CLEC1A: variants seen among roughly 807,000 people sequenced by gnomAD.
The protein encoded by CLEC1A is C-type lectin domain family 1 member A.
Under a neutral mutation model 28.7 loss-of-function variants are expected in CLEC1A, and 34 were observed. That is an observed-to-expected ratio of 1.18 (90% confidence interval 0.90 to 1.57). The LOEUF (loss-of-function observed/expected upper bound fraction) is 1.57, where lower values mean the gene tolerates loss of function less well. Among genes scored for constraint, CLEC1A ranks in the 40% most tolerant of loss-of-function variants. CLEC1A has a pLI of 0.00. For missense variants in CLEC1A, 385 were observed against 339.5 expected (o/e 1.13, Z -1.05); for synonymous variants, 116 against 121.0 (o/e 0.96, Z 0.27).
chr12:10,083,804 G>A (rs990493305), intron 2 of CLEC1A, among the ~76,000 whole-genome samples: 8 of 151,846 alleles, frequency 5.3e-5, no homozygotes, highest in Non-Finnish European at 1.0e-4. Flanking sequence ...TATAGGATAT[G>A]GATTTAAAAA....
At chr12:10,090,613 T>C (rs570672157) in intron 1 of CLEC1A, among the ~76,000 whole-genome samples, 11 of 152,158 alleles carry the variant, frequency 7.2e-5, no homozygotes, top group African/African-American at 2.6e-4. Flanking sequence ...TGGGGAATGA[T>C]AACTAGTAAA....
intron 3 of CLEC1A, 86 bp from the exon 4 acceptor site, chr12:10,075,741 A>T: frequency 1.7e-6 from 2 of 1,176,508 alleles, no homozygotes; most frequent in Non-Finnish European, 2.4e-6. Context: ...TGATGTCCTA[A>T]GAAAGAATTA....
chr12:10,072,173 T>TC (rs1324359851), intron 5 of CLEC1A, among the ~76,000 whole-genome samples: 9 of 151,928 alleles, frequency 5.9e-5, no homozygotes, highest in Admixed American at 1.3e-4. Context: ...GCCTGGAACC[T>TC]CCCCCCAGCC....
intron 4 of CLEC1A, 44 bp from the exon 5 acceptor site, chr12:10,073,455 T>G (rs1249850952): frequency 6.8e-7 from 1 of 1,464,474 alleles, no homozygotes; most frequent in East Asian, 2.3e-5. Flanking sequence ...GGTGGCATGA[T>G]TACTCACATG....
chr12:10,073,440 G>T lies in CLEC1A; in HGVS notation c.544-29C>A. On this transcript the variant is annotated intron_variant, in intron 4 of 5. Coordinates refer to ENST00000315330, the MANE Select transcript of CLEC1A (RefSeq NM_016511.4). The stretch of plus-strand genomic sequence containing the variant: ...TGAAAAGCACATAAGAAAAGCTTTA[G>T]CTTTGGTGGCATGATTACTCACATG... 4 of 1,553,104 alleles carry T rather than the reference G, an allele frequency of 2.6e-6. No individual in the cohort carries two copies. The Middle Eastern group carries it at 6.8e-4, about 262-fold the overall frequency.
At chr12:10,092,007 G>C (rs568775698) in intron 1 of CLEC1A, among the ~76,000 whole-genome samples, 1 of 73,554 alleles carries the variant, frequency 1.4e-5, no homozygotes, top group East Asian at 2.0e-4. Flanking sequence ...ATAAATGAAT[G>C]AATAGGTCCA....
chr12:10,071,249 T>C lies in CLEC1A; in HGVS notation c.*84A>G, dbSNP rs1031354911. On this transcript the variant is annotated 3_prime_UTR_variant, in exon 6 of 6. Coordinates refer to ENST00000315330, the MANE Select transcript of CLEC1A (RefSeq NM_016511.4). ...AGTCAGAGAGATAGTCTTTCCTGAT[T>C]ATGTTCCATTTCCCAATGTCTCAAC... 12 of 1,278,918 alleles carry C rather than the reference T, an allele frequency of 9.4e-6. No homozygotes were observed. The Admixed American group carries it at 2.4e-4, about 26-fold the overall frequency. The allele number at this position is 1,278,918 out of a possible 1,614,324, so 79.2% of individuals were successfully genotyped here.
At chr12:10,081,652 G>C (rs1385999374) in intron 2 of CLEC1A, among the ~76,000 whole-genome samples, 3 of 146,004 alleles carry the variant, frequency 2.1e-5, no homozygotes, top group Admixed American at 6.8e-5. Flanking sequence ...ACGGCTAAGA[G>C]GGCTAAGATA....
At chr12:10,090,058 G>C (rs1591919346) in intron 1 of CLEC1A, among the ~76,000 whole-genome samples, 1 of 152,292 alleles carries the variant, frequency 6.6e-6, no homozygotes, top group East Asian at 1.9e-4. Flanking sequence ...CTGAAGGGAA[G>C]AGTCTCAGTC....
intron 1 of CLEC1A, among the ~76,000 whole-genome samples, chr12:10,091,748 AAGTT>A (rs1565607716): frequency 6.6e-6 from 1 of 152,136 alleles, no homozygotes. Context: ...CAGTCCAAGA[AAGTT>A]AATCATATGG....
intron 3 of CLEC1A, among the ~76,000 whole-genome samples, chr12:10,077,816 G>C (rs1055906121): frequency 6.6e-6 from 1 of 151,678 alleles, no homozygotes. Flanking sequence ...CTGTGTTTTG[G>C]GCAAAAGGAA....
At chr12:10,072,803 G>C (rs181666010) in intron 5 of CLEC1A, among the ~76,000 whole-genome samples, 1 of 152,278 alleles carries the variant, frequency 6.6e-6, no homozygotes, top group Non-Finnish European at 1.5e-5. Flanking sequence ...CACTGGCCGG[G>C]TGCGGTGGCT....
intron 2 of CLEC1A, among the ~76,000 whole-genome samples, chr12:10,081,775 G>A (rs189663241): frequency 6.6e-6 from 1 of 151,486 alleles, no homozygotes; most frequent in East Asian, 1.9e-4. Flanking sequence ...CAGATCCTTT[G>A]AAAGAAGCAA....
intron 2 of CLEC1A, among the ~76,000 whole-genome samples, chr12:10,087,416 T>G (rs889951133): frequency 7.0e-6 from 1 of 141,874 alleles, no homozygotes; most frequent in Non-Finnish European, 1.5e-5. Context: ...AAATCCAGCA[T>G]TCCTTTATGA....
At chr12:10,086,997 G>A (rs935493508) in intron 2 of CLEC1A, among the ~76,000 whole-genome samples, 18 of 151,914 alleles carry the variant, frequency 1.2e-4, no homozygotes, top group Admixed American at 3.3e-4. Context: ...CCTGAGGTCG[G>A]GAGTTCGAGA....
In CLEC1A at chr12:10,089,111, A is replaced by C; in HGVS notation, c.214+13T>G. The C allele has an allele frequency of 6.2e-7, 1 of 1,601,632 alleles. No individual in the cohort carries two copies. The highest frequency in any genetic ancestry group is 8.6e-7 in the Non-Finnish European group (1 of 1,168,670). ...GAACCAGGATCCTCCCCCAGGTCAG[A>C]GCGCAGACTTACACAAAAGCCCCAG... On this transcript the variant is annotated intron_variant, in intron 2 of 5. Transcript: ENST00000315330.
At chr12:10,091,177 T>C (rs893821669) in intron 1 of CLEC1A, among the ~76,000 whole-genome samples, 1 of 152,212 alleles carries the variant, frequency 6.6e-6, no homozygotes, top group Non-Finnish European at 1.5e-5. Flanking sequence ...GTCTGTCTCC[T>C]TTCTCTCCAT....
rs766890740 is a variant in CLEC1A, at chr12:10,071,376, T to C, written c.800A>G (p.Glu267Gly). 2.5e-6 allele frequency: 4 copies of C among 1,613,932 alleles called. No individual in the cohort carries two copies. Among genetic ancestry groups the C allele is most frequent in the East Asian group, 2.2e-5 (1 of 44,874 alleles). ...TGTTTCAGGGGGGACATGGAGGCTCTCTGGCTTCACCATTCCTGCCCTTCT... is the reference window on the plus strand; with the variant it reads ...TGTTTCAGGGGGGACATGGAGGCTCCCTGGCTTCACCATTCCTGCCCTTCT... ...CERRAGMVKP[E>G]SLHVPPETLG... The change falls in exon 6 of 6, where the codon GAG (glutamate) becomes GGG (glycine). Residue 267 changes from glutamate (E) to glycine (G), a missense_variant. Transcript: ENST00000315330.
chr12:10,077,015 T>C (rs1042586657), intron 3 of CLEC1A, among the ~76,000 whole-genome samples: 6 of 152,184 alleles, frequency 3.9e-5, no homozygotes, highest in Non-Finnish European at 5.9e-5. Context: ...TCAGATATGA[T>C]AAGTGACCCT....
Sources: allele counts gnomAD v4.1 joint callset (sites outside exome capture counted in the v4.1 genomes callset), GRCh38; gene constraint gnomAD v4.1.1; transcripts MANE v1.5; gene names NCBI Gene and HGNC (gene_info 2026-07-23, HGNC 2026-07-21).